Variants in ADORA2A observed in about 807,000 individuals in gnomAD.
ADORA2A encodes the protein adenosine receptor A2a.
ADORA2A carries 11 observed loss-of-function variants against 18.4 expected under a neutral mutation model. That is an observed-to-expected ratio of 0.60 (90% CI 0.38 to 0.99). The LOEUF (loss-of-function observed/expected upper bound fraction) is 0.99. ADORA2A is among the 50% of genes least tolerant of loss of function. The pLI, the probability that ADORA2A is intolerant of heterozygous loss-of-function variation, is 0.01. For missense variants in ADORA2A, 449 were observed against 556.1 expected, an observed-to-expected ratio of 0.81 and a Z score of 1.94; for synonymous variants, 218 against 237.3, an observed-to-expected ratio of 0.92 and a Z score of 0.75.
At chr22:24,430,976 G>A (rs529199418) in intron 1 of ADORA2A, 269 of 372,800 alleles carry the variant, frequency 7.2e-4, no homozygotes, top group Non-Finnish European at 1.2e-3. Context: ...GAGGCAGCCC[G>A]GGGCCAGCAC....
chr22:24,432,235 G>C (rs932207033), intron 1 of ADORA2A: 2 of 152,816 alleles, frequency 1.3e-5, no homozygotes, highest in African/African-American at 4.8e-5. Context: ...GAGGCAGCGG[G>C]TTCGGGCGCA....
chr22:24,428,207 C>T (rs777787080), intron 1 of ADORA2A, among the ~76,000 whole-genome samples: 4 of 152,294 alleles, frequency 2.6e-5, no homozygotes, highest in South Asian at 2.1e-4. Context: ...CATGCCCAGG[C>T]CCCCCTGGGC....
upstream of ADORA2A, among the ~76,000 whole-genome samples, chr22:24,426,408 G>T (rs1357981432): frequency 6.6e-6 from 1 of 152,240 alleles, no homozygotes; most frequent in African/African-American, 2.4e-5. Context: ...TGTGGTGGGG[G>T]TGCTGTGGAG....
At chr22:24,435,029 C>G (rs1366967488) in intron 2 of ADORA2A, among the ~76,000 whole-genome samples, 2 of 152,164 alleles carry the variant, frequency 1.3e-5, no homozygotes, top group Admixed American at 6.5e-5. Context: ...GTCACCTGGG[C>G]TCTAAGTGGG....
At position 24,433,142 on chromosome 22, in the gene ADORA2A, A is replaced by C. The variant is rs1601406888; in HGVS notation, c.-263A>C. On this transcript the variant is annotated 5_prime_UTR_variant, in exon 2 of 3. Transcript: ENST00000337539. ...CTGTCCCTTTGCAGGTGCCTCAGGA[A>C]CCCTGAAGCTGGGCTGAGCCATGAT... The C allele has an allele frequency of 1.8e-6, 1 of 566,668 alleles. No homozygotes were observed. The allele number at this position is 566,668 out of a possible 1,614,324, so 35.1% of individuals were successfully genotyped here. A position where few individuals can be genotyped will look rare whatever the true frequency, so the allele number is the denominator to read the frequency against.
At chr22:24,439,318 C>G (rs1429757509) in intron 2 of ADORA2A, 1 of 152,040 alleles carries the variant, frequency 6.6e-6, no homozygotes, top group East Asian at 1.9e-4. Context: ...GCCTCGGCCT[C>G]CCAAAGTGCT....
In ADORA2A at chr22:24,440,916, G is replaced by A. The variant is rs1056353441; in HGVS notation, c.666G>A (p.Arg222=). 2 of 1,614,138 alleles carry A rather than the reference G, an allele frequency of 1.2e-6. No homozygotes were observed. Among genetic ancestry groups the A allele is most frequent in the African/African-American group, 1.3e-5 (1 of 75,010 alleles). The change falls in exon 3 of 3, where the codon CGG becomes CGA. Residue 222 remains arginine, a synonymous_variant. Transcript: ENST00000337539. ...ESQPLPGERA[R]STLQKEVHAA... ...AGCCTCTGCCGGGGGAGCGGGCACG[G>A]TCCACACTGCAGAAGGAGGTCCATG... is the stretch of plus-strand genomic sequence containing the variant.
chr22:24,436,190 G>A (rs1274783234), intron 2 of ADORA2A, among the ~76,000 whole-genome samples: 2 of 152,198 alleles, frequency 1.3e-5, no homozygotes, highest in Admixed American at 1.3e-4. Flanking sequence ...ATGTGGAGGT[G>A]TCCATGTGGG....
At chr22:24,425,265 C>G (rs1568940697), upstream of ADORA2A, among the ~76,000 whole-genome samples, 2 of 152,018 alleles carry the variant, frequency 1.3e-5, no homozygotes, top group South Asian at 4.1e-4. Flanking sequence ...GTCGGGGCTT[C>G]CTCACTGGCC....
chr22:24,426,204 C>T (rs904519930), upstream of ADORA2A, among the ~76,000 whole-genome samples: 5 of 152,216 alleles, frequency 3.3e-5, no homozygotes, highest in African/African-American at 1.2e-4. Flanking sequence ...TTAGTACCCT[C>T]TCACAGACCT....
At chr22:24,440,447 C>A (rs916830205) in intron 2 of ADORA2A, 136 bp from the exon 3 acceptor site, 4 of 816,772 alleles carry the variant, frequency 4.9e-6, no homozygotes, top group Non-Finnish European at 5.7e-6. Context: ...GATGCTGGGG[C>A]GAGGTGGCAG....
At chr22:24,435,497 G>T (rs1166736824) in intron 2 of ADORA2A, among the ~76,000 whole-genome samples, 1 of 152,116 alleles carries the variant, frequency 6.6e-6, no homozygotes, top group Non-Finnish European at 1.5e-5. Flanking sequence ...TTTCTCTTTT[G>T]TCTCTCCCTT....
intron 1 of ADORA2A, 170 bp from the exon 2 acceptor site, chr22:24,432,961 G>A (rs750310015): frequency 4.8e-5 from 10 of 210,328 alleles, no homozygotes; most frequent in Non-Finnish European, 9.7e-5. Flanking sequence ...GCAGGGCATG[G>A]GGCTAGGCGG....
intron 1 of ADORA2A, chr22:24,429,746 G>C (rs1406188844): frequency 6.6e-6 from 1 of 152,498 alleles, no homozygotes; most frequent in African/African-American, 2.4e-5. Flanking sequence ...CCTGGGACCA[G>C]CAAGATCACA....
intron 2 of ADORA2A, among the ~76,000 whole-genome samples, chr22:24,437,202 G>A (rs769665575): frequency 6.6e-6 from 1 of 152,190 alleles, no homozygotes; most frequent in African/African-American, 2.4e-5. Context: ...CCTGCAAGCC[G>A]GGGGACACAG....
At chr22:24,430,756 C>T (rs1203001885) in intron 1 of ADORA2A, 2 of 262,672 alleles carry the variant, frequency 7.6e-6, no homozygotes, top group Non-Finnish European at 1.5e-5. Flanking sequence ...CTGCATCAGC[C>T]TTCTAGCCTG....
At chr22:24,439,234 C>T (rs2043266374) in intron 2 of ADORA2A, 1 of 151,898 alleles carries the variant, frequency 6.6e-6, no homozygotes, top group African/African-American at 2.4e-5. Context: ...AGGCCCCCGC[C>T]ACCACGGCCG....
upstream of ADORA2A, among the ~76,000 whole-genome samples, chr22:24,426,090 G>A (rs1447640717): frequency 6.6e-6 from 1 of 152,202 alleles, no homozygotes; most frequent in Non-Finnish European, 1.5e-5. Flanking sequence ...TGACTTGAGA[G>A]CATCACGTCC....
At chr22:24,434,761 G>A (rs1238156073) in intron 2 of ADORA2A, among the ~76,000 whole-genome samples, 1 of 152,220 alleles carries the variant, frequency 6.6e-6, no homozygotes, top group Non-Finnish European at 1.5e-5. Context: ...GCAGGAAGGA[G>A]GACCCAGCTA....
Sources: allele counts gnomAD v4.1 joint callset (sites outside exome capture counted in the v4.1 genomes callset), GRCh38; gene constraint gnomAD v4.1.1; transcripts MANE v1.5; gene names NCBI Gene and HGNC (gene_info 2026-07-23, HGNC 2026-07-21).